CCT6A: variants seen among roughly 807,000 people sequenced by gnomAD.
The protein encoded by CCT6A is T-complex protein 1 subunit zeta.
A neutral mutation model predicts 58.6 loss-of-function variants in CCT6A; 6 were observed. That is an observed-to-expected ratio of 0.10 (90% CI 0.06 to 0.20). The LOEUF is 0.20. Ranked by LOEUF, CCT6A falls within the 10% of genes least tolerant of loss-of-function variation. CCT6A has a pLI of 1.00. For missense variants in CCT6A, 516 were observed against 648.8 expected, an observed-to-expected ratio of 0.80 and a Z score of 2.22; for synonymous variants, 245 against 227.8, an observed-to-expected ratio of 1.08 and a Z score of -0.68.
At chr7:56,052,788 C>CTT (rs776930910) in intron 2 of CCT6A, among the ~76,000 whole-genome samples, 4 of 27,046 alleles carry the variant, frequency 1.5e-4, no homozygotes, top group African/African-American at 2.7e-4. Flanking sequence ...TTTTTCTTTT[C>CTT]TTTTCTTTTT....
rs991769583 is a variant in CCT6A at position 56,058,813 on chromosome 7, A to T, written c.968+111A>T. ...ACTGTATAGTTAATTGGCATTAACT[A>T]TATTCACATTGTGCACCCCGTCAGC... On this transcript the variant is annotated intron_variant, in intron 8 of 13. Coordinates refer to ENST00000275603, the MANE Select transcript of CCT6A (RefSeq NM_001762.4). 6.0e-6 allele frequency: 4 copies of T among 663,224 alleles called. No homozygotes were observed. In the Admixed American group the frequency reaches 8.0e-5, roughly 13 times the overall value. The allele number at this position is 663,224 out of a possible 1,614,324, so 41.1% of individuals were successfully genotyped here.
intron 3 of CCT6A, among the ~76,000 whole-genome samples, chr7:56,054,920 A>G (rs1022192727): frequency 6.6e-6 from 1 of 152,234 alleles, no homozygotes; most frequent in Non-Finnish European, 1.5e-5. Context: ...TCCTGGAGAA[A>G]GAGAACAGTC....
At chr7:56,052,978 G>A (rs1218122150) in intron 2 of CCT6A, among the ~76,000 whole-genome samples, 3 of 152,076 alleles carry the variant, frequency 2.0e-5, no homozygotes, top group Non-Finnish European at 4.4e-5. Flanking sequence ...ATTTTTAGTA[G>A]AGACAGGATT....
chr7:56,062,867 T>C (rs1342695596), intron 13 of CCT6A, 112 bp downstream of exon 13: 29 of 1,157,970 alleles, frequency 2.5e-5, no homozygotes, highest in Admixed American at 5.1e-5. Flanking sequence ...GCTGGAAGTA[T>C]GGAAACTGAA....
chr7:56,053,500 G>A (rs1402172458), intron 2 of CCT6A, among the ~76,000 whole-genome samples: 2 of 152,040 alleles, frequency 1.3e-5, no homozygotes, highest in Non-Finnish European at 2.9e-5. Flanking sequence ...GCTTGTAATC[G>A]CAGCACTTTG....
intron 2 of CCT6A, among the ~76,000 whole-genome samples, 175 bp from the exon 3 acceptor site, chr7:56,054,194 G>A (rs1335820481): frequency 1.3e-5 from 2 of 152,186 alleles, no homozygotes; most frequent in African/African-American, 2.4e-5. Context: ...ACATGAAGAC[G>A]TTTCAATCAT....
At chr7:56,055,470 C>A in intron 3 of CCT6A, 154 bp from the exon 4 acceptor site, 1 of 716,300 alleles carries the variant, frequency 1.4e-6, no homozygotes, top group Non-Finnish European at 2.5e-6. Flanking sequence ...GAATATTTGT[C>A]CTTTTAAATG....
At chr7:56,056,638 C>T (rs2117339402) in intron 5 of CCT6A, among the ~76,000 whole-genome samples, 1 of 151,808 alleles carries the variant, frequency 6.6e-6, no homozygotes, top group South Asian at 2.1e-4. Context: ...AGCAGAATAG[C>T]TTGAACCTGG....
intron 2 of CCT6A, among the ~76,000 whole-genome samples, chr7:56,052,825 G>T (rs955460118): frequency 4.8e-5 from 7 of 145,748 alleles, no homozygotes; most frequent in African/African-American, 1.0e-4. Flanking sequence ...ACGAAGTCTC[G>T]CTCTGTCGAC....
At chr7:56,058,588 G>A (rs1794365059) in intron 7 of CCT6A, 32 bp from the exon 8 acceptor site, 11 of 1,584,074 alleles carry the variant, frequency 6.9e-6, no homozygotes, top group Non-Finnish European at 9.5e-6. Context: ...TAAGGTGAAA[G>A]ATGTTGAAAT....
At chr7:56,059,928 C>T (rs1006995812) in intron 9 of CCT6A, 1 of 405,750 alleles carries the variant, frequency 2.5e-6, no homozygotes, top group East Asian at 4.7e-5. Context: ...TCTTAAACTC[C>T]CGGGCTCAGG....
chr7:56,062,954 G>T lies in CCT6A; in HGVS notation c.1524-59G>T, dbSNP rs1037425566. 1.1e-4 allele frequency: 150 copies of T among 1,384,570 alleles called. 1 individual carries two copies. The East Asian group carries it at 3.4e-3, about 31-fold the overall frequency. 85.8% of individuals were successfully genotyped at this position (1,384,570 alleles called of 1,614,324 possible). On this transcript the variant is annotated intron_variant, in intron 13 of 13. Coordinates refer to ENST00000275603, the MANE Select transcript of CCT6A (RefSeq NM_001762.4). ...TGTGCAGCTTGGTTGGAAGTGGGAA[G>T]TTGAGTCGAATTAGGGCTCCTAATC...
At chr7:56,062,637 T>C (rs766756156) in intron 12 of CCT6A, 46 bp from the exon 13 acceptor site, 1 of 1,448,828 alleles carries the variant, frequency 6.9e-7, no homozygotes, top group Non-Finnish European at 9.7e-7. Context: ...ACAATATTGT[T>C]GGTTCTTACT....
intron 4 of CCT6A, 159 bp downstream of exon 4, chr7:56,055,956 A>C: frequency 1.7e-6 from 1 of 576,366 alleles, no homozygotes; most frequent in Non-Finnish European, 3.0e-6. Context: ...AAATGAGGAA[A>C]TTAAAATAAT....
At chr7:56,054,271 GTAGA>G (rs1440848335) in intron 2 of CCT6A, 94 bp from the exon 3 acceptor site, 8 of 975,440 alleles carry the variant, frequency 8.2e-6, no homozygotes, top group African/African-American at 1.6e-5. Context: ...GCTTTTTCAA[GTAGA>G]TAGCACTCAA....
At position 56,060,507 on chromosome 7, in the gene CCT6A, C is replaced by T. The variant is rs761955630; in HGVS notation, c.1213+91C>T. 17 of 1,335,412 alleles carry T rather than the reference C, an allele frequency of 1.3e-5. 1 individual carries two copies. The South Asian group carries it at 2.0e-4, about 16-fold the overall frequency. The allele number at this position is 1,335,412 out of a possible 1,614,324, so 82.7% of individuals were successfully genotyped here. A position where few individuals can be genotyped will look rare whatever the true frequency, so the allele number is the denominator to read the frequency against. On this transcript the variant is annotated intron_variant, in intron 10 of 13. Coordinates refer to ENST00000275603, the MANE Select transcript of CCT6A (RefSeq NM_001762.4). Reference sequence around the variant, plus strand: ...ACTGTGTTTTTATCAGTAGTTTACACAGCCAGACACCATGCAAAAGCAGTC... The same window carrying T: ...ACTGTGTTTTTATCAGTAGTTTACATAGCCAGACACCATGCAAAAGCAGTC...
chr7:56,059,583 T>C lies in CCT6A; in HGVS notation c.1008T>C (p.Phe336=), dbSNP rs368245398. ...GTGGTGGGGTAGCCCTGAATTCTTT[T>C]GACGACCTAAGTCCTGACTGCTTGG... ...LACGGVALNS[F]DDLSPDCLGH... The change falls in exon 9 of 14, where the codon TTT becomes TTC. Residue 336 remains phenylalanine, a synonymous_variant. Transcript: ENST00000275603. 5 of 1,609,828 alleles carry C rather than the reference T, an allele frequency of 3.1e-6. No individual in the cohort carries two copies. The highest frequency in any genetic ancestry group is 1.3e-5 in the African/African-American group (1 of 74,852).
intron 1 of CCT6A, 29 bp from the exon 2 acceptor site, chr7:56,052,393 A>G (rs1794147594): frequency 6.2e-7 from 1 of 1,603,588 alleles, no homozygotes; most frequent in South Asian, 1.1e-5. Flanking sequence ...AAAAAGTCAT[A>G]GTCTGGTTCA....
chr7:56,051,866 C>T lies in CCT6A; in HGVS notation c.18C>T (p.Thr6=), dbSNP rs747982869. ...GAGCAGCTATGGCGGCGGTGAAGAC[C>T]CTGAACCCCAAGGCCGAGGTGGCCC... MAAVK[T]LNPKAEVARA... is the part of the protein sequence containing the mutation. The change falls in exon 1 of 14, where the codon ACC becomes ACT. Residue 6 remains threonine, a synonymous_variant. Transcript: ENST00000275603. The T allele has an allele frequency of 9.0e-6, 14 of 1,561,424 alleles. No homozygotes were observed. In the African/African-American group the frequency reaches 1.8e-4, roughly 20 times the overall value.
Sources: gnomAD v4.1 joint callset for allele counts (sites outside exome capture counted in the v4.1 genomes callset) on GRCh38, gnomAD v4.1.1 for gene constraint, MANE v1.5 for transcripts, NCBI Gene and HGNC (gene_info 2026-07-23, HGNC 2026-07-21) for gene names.